The following USP47 variants were observed in gnomAD, a reference collection of about 807,000 sequenced individuals.
USP47 encodes the protein ubiquitin specific peptidase 47.
In USP47, 35 loss-of-function variants were observed where a neutral mutation model predicts 165.1. The ratio of observed to expected loss-of-function variants is 0.21; its 90% CI spans 0.16 to 0.28. The LOEUF (loss-of-function observed/expected upper bound fraction) is 0.28. USP47 is among the 10% of genes least tolerant of loss of function. The probability of loss-of-function intolerance (pLI) is 1.00; values close to 1 mark genes in which losing one functional copy is unlikely to be tolerated. For missense variants in USP47, 1,277 were observed against 1,607.4 expected (o/e 0.79, Z 3.52); for synonymous variants, 531 against 544.5 (o/e 0.98, Z 0.35).
At chr11:11,896,301 A>T (rs1239940562) in intron 4 of USP47, among the ~76,000 whole-genome samples, 1 of 152,206 alleles carries the variant, frequency 6.6e-6, no homozygotes, top group African/African-American at 2.4e-5. Context: ...GTGATACATG[A>T]TTGATGTGTA....
chr11:11,923,455 T>A (rs1854011643), intron 11 of USP47, among the ~76,000 whole-genome samples: 1 of 152,124 alleles, frequency 6.6e-6, no homozygotes, highest in Admixed American at 6.6e-5. Context: ...GGTATAGTTC[T>A]ATGGATTATC....
intron 4 of USP47, among the ~76,000 whole-genome samples, chr11:11,897,312 T>C (rs191744273): frequency 3.9e-5 from 6 of 152,104 alleles, no homozygotes; most frequent in African/African-American, 1.4e-4. Flanking sequence ...ACACATACTT[T>C]ACTGAACATA....
At chr11:11,947,862 A>G in intron 20 of USP47, 83 bp from the exon 21 acceptor site, 2 of 1,434,552 alleles carry the variant, frequency 1.4e-6, no homozygotes, top group Non-Finnish European at 1.9e-6. Context: ...ACAGTGTAAT[A>G]AAAAGTATAT....
chr11:11,953,519 A>G (rs887348688), intron 25 of USP47, among the ~76,000 whole-genome samples: 16 of 152,108 alleles, frequency 1.1e-4, no homozygotes, highest in Non-Finnish European at 4.4e-5. Flanking sequence ...AAAAAAAGAA[A>G]CTATAGACCA....
intron 1 of USP47, among the ~76,000 whole-genome samples, chr11:11,860,276 T>G (rs1849305927): frequency 6.6e-6 from 1 of 151,694 alleles, no homozygotes. Flanking sequence ...ACCCTACCAC[T>G]GAGCGGAGGA....
chr11:11,920,511 T>C lies in USP47; in HGVS notation c.1218+17T>C. 6.3e-7 allele frequency: 1 copy of C among 1,588,584 alleles called. No homozygotes were observed. Among genetic ancestry groups the C allele is most frequent in the Non-Finnish European group, 8.5e-7 (1 of 1,169,874 alleles). On this transcript the variant is annotated intron_variant, in intron 10 of 27. Transcript: ENST00000527733. The stretch of plus-strand genomic sequence containing the variant: ...GAAGATGAGGTAAATATTTGTTATT[T>C]TAAAGTATTTTTCATTAATCCACAT...
rs1039219786 is a variant in USP47 at position 11,957,664 on chromosome 11, G to C, written c.*1489G>C. On this transcript the variant is annotated 3_prime_UTR_variant, in exon 28 of 28. Transcript: ENST00000527733. The stretch of plus-strand genomic sequence containing the variant: ...TATTTACAGTAAAGTTCTCATAAGA[G>C]AAATGAAAAGCTGTGTTAATATCTA... 6.6e-6 allele frequency: 1 copy of C among 152,462 alleles called. No homozygotes were observed. The highest frequency in any genetic ancestry group is 6.5e-5 in the Admixed American group (1 of 15,274). The allele number at this position is 152,462 out of a possible 1,614,324, so 9.4% of individuals were successfully genotyped here.
intron 11 of USP47, among the ~76,000 whole-genome samples, chr11:11,927,507 C>G (rs1176411308): frequency 6.6e-6 from 1 of 152,068 alleles, no homozygotes; most frequent in Non-Finnish European, 1.5e-5. Flanking sequence ...CCCAGAAAGC[C>G]TAAAATACTC....
chr11:11,886,228 G>T (rs887799579), intron 3 of USP47, among the ~76,000 whole-genome samples: 3 of 152,182 alleles, frequency 2.0e-5, no homozygotes, highest in African/African-American at 7.2e-5. Context: ...CAAGGGCACA[G>T]AACTGGGCTG....
intron 3 of USP47, among the ~76,000 whole-genome samples, chr11:11,889,021 T>C (rs1033383716): frequency 1.3e-5 from 2 of 152,154 alleles, no homozygotes; most frequent in African/African-American, 2.4e-5. Context: ...TTAAAAACTC[T>C]GAATAAACTA....
Position 11,942,829 on chromosome 11 carries a change from A to G in USP47, c.2808A>G (p.Ser936=), listed in dbSNP as rs756062768. 6.2e-7 allele frequency: 1 copy of G among 1,613,790 alleles called. No individual in the cohort carries two copies. Among genetic ancestry groups the G allele is most frequent in the Non-Finnish European group, 8.5e-7 (1 of 1,179,788 alleles). ...TGAATAATGACAGGAGTACAAGTTC[A>G]GTGGACAGTGATATTCTTAGCTCCA... ...SDVNNDRSTS[S]VDSDILSSSH... Residue 936 remains serine (S), a synonymous_variant, in exon 20 of 28, where the codon TCA becomes TCG. Transcript: ENST00000527733.
chr11:11,932,944 G>T (rs1854781119), intron 14 of USP47, 60 bp from the exon 15 acceptor site: 3 of 1,276,968 alleles, frequency 2.3e-6, no homozygotes, highest in Non-Finnish European at 3.4e-6. Flanking sequence ...AGTGAAGCAG[G>T]ATGAATAAAG....
intron 4 of USP47, among the ~76,000 whole-genome samples, chr11:11,892,505 C>T (rs1851596177): frequency 6.6e-6 from 1 of 150,962 alleles, no homozygotes; most frequent in African/African-American, 2.4e-5. Flanking sequence ...CCTCAGTCCC[C>T]TGAGTAGCTG....
At chr11:11,904,716 G>C (rs1017698981) in intron 7 of USP47, among the ~76,000 whole-genome samples, 42 of 152,122 alleles carry the variant, frequency 2.8e-4, no homozygotes, top group Admixed American at 2.6e-4. Context: ...AAAAGCCCTA[G>C]TTAACTAAGT....
At chr11:11,900,305 C>T (rs1426845731) in intron 5 of USP47, among the ~76,000 whole-genome samples, 2 of 151,900 alleles carry the variant, frequency 1.3e-5, no homozygotes, top group Middle Eastern at 3.4e-3. Flanking sequence ...GGACTACAGG[C>T]GCCAGCCACC....
Position 11,897,791 on chromosome 11 carries a change from G to A in USP47, c.593+98G>A, listed in dbSNP as rs1261313546. ...TTCTTGCAGTTATTTTAAAGTTTGG[G>A]GCATTTCTCACACCATAAGATATAA... is the stretch of plus-strand genomic sequence containing the variant. On this transcript the variant is annotated intron_variant, in intron 5 of 27. Coordinates refer to ENST00000527733, the MANE Select transcript of USP47 (RefSeq NM_001282659.2). 3.6e-6 allele frequency: 3 copies of A among 827,580 alleles called. No individual in the cohort carries two copies. The East Asian group carries it at 7.9e-5, about 22-fold the overall frequency. 51.3% of individuals were successfully genotyped at this position (827,580 alleles called of 1,614,324 possible).
At chr11:11,911,616 A>G (rs919283735) in intron 8 of USP47, among the ~76,000 whole-genome samples, 6 of 152,160 alleles carry the variant, frequency 3.9e-5, no homozygotes, top group Non-Finnish European at 2.9e-5. Context: ...TGAAGGAAAA[A>G]CTGTCATAAC....
In USP47 at chr11:11,948,137, T is replaced by C. The variant is rs540823711; in HGVS notation, c.3267+17T>C. 3.8e-6 allele frequency: 6 copies of C among 1,597,626 alleles called. No homozygotes were observed. The African/African-American group carries it at 6.7e-5, about 18-fold the overall frequency. ...GACAATAAGGTTGATTAAAATAATC[T>C]TCGAGTAGTTAGAGTCTATTTTAAA... On this transcript the variant is annotated intron_variant, in intron 21 of 27. Coordinates refer to ENST00000527733, the MANE Select transcript of USP47 (RefSeq NM_001282659.2).
chr11:11,877,803 CTCTG>C (rs1311837796), intron 1 of USP47, among the ~76,000 whole-genome samples: 10 of 42,992 alleles, frequency 2.3e-4, no homozygotes, highest in Admixed American at 6.6e-4. Context: ...CTCTCTCTCT[CTCTG>C]TGTGTGTGTG....
Sources: gnomAD v4.1 joint callset for allele counts (sites outside exome capture counted in the v4.1 genomes callset) on GRCh38, gnomAD v4.1.1 for gene constraint, MANE v1.5 for transcripts, NCBI Gene and HGNC (gene_info 2026-07-23, HGNC 2026-07-21) for gene names.